Variants in DYNC1I1 observed in about 807,000 individuals in gnomAD.
DYNC1I1 encodes the protein dynein cytoplasmic 1 intermediate chain 1.
Under a neutral mutation model 86.6 loss-of-function variants are expected in DYNC1I1, and 43 were observed. The observed-to-expected ratio is 0.50, with a 90% CI of 0.39 to 0.64. The LOEUF (loss-of-function observed/expected upper bound fraction) is 0.64. Among genes scored for constraint, DYNC1I1 ranks in the 30% least tolerant of loss-of-function variants. The probability of loss-of-function intolerance (pLI) is 0.00; values close to 1 mark genes in which losing one functional copy is unlikely to be tolerated. For missense variants in DYNC1I1, 604 were observed against 788.8 expected, an observed-to-expected ratio of 0.77 and a Z score of 2.81; for synonymous variants, 262 against 283.7, an observed-to-expected ratio of 0.92 and a Z score of 0.77.
rs960306386 is a variant in DYNC1I1, at chr7:96,014,307, T to C, written c.970-13868T>C. Among the ~76,000 whole-genome samples the C allele has an allele frequency of 3.3e-5, 5 of 152,172 alleles. No homozygotes were observed. The East Asian group carries it at 9.6e-4, about 29-fold the overall frequency. On this transcript the variant is annotated intron_variant, in intron 10 of 16. Transcript: ENST00000447467. ...GACACAGCTATAGAAAGAGAGTCTT[T>C]CCAGAACGTGAGTCTCCTGACTCCC...
chr7:95,938,194 A>G (rs1425223389), intron 6 of DYNC1I1, among the ~76,000 whole-genome samples: 1 of 152,224 alleles, frequency 6.6e-6, no homozygotes, highest in Admixed American at 6.5e-5. Context: ...ATTTTTATCT[A>G]GATGAGTGTA....
At chr7:95,979,777 G>A (rs924358190) in intron 7 of DYNC1I1, among the ~76,000 whole-genome samples, 4 of 152,040 alleles carry the variant, frequency 2.6e-5, no homozygotes, top group Admixed American at 2.6e-4. Flanking sequence ...TTTAACAGTG[G>A]CATCCACAGA....
At chr7:96,096,203 G>C (rs1202672840) in intron 16 of DYNC1I1, among the ~76,000 whole-genome samples, 1 of 152,176 alleles carries the variant, frequency 6.6e-6, no homozygotes, top group Non-Finnish European at 1.5e-5. Flanking sequence ...GATAGTATTT[G>C]AGAATATTAT....
intron 6 of DYNC1I1, among the ~76,000 whole-genome samples, chr7:95,913,003 G>A (rs1167574653): frequency 6.6e-6 from 1 of 152,188 alleles, no homozygotes; most frequent in African/African-American, 2.4e-5. Context: ...AAGCAAGCTA[G>A]TTAAATCCCT....
chr7:96,082,112 G>A (rs1294333063), intron 16 of DYNC1I1, among the ~76,000 whole-genome samples: 2 of 151,964 alleles, frequency 1.3e-5, no homozygotes, highest in Non-Finnish European at 2.9e-5. Flanking sequence ...CCTCTGAGTC[G>A]GAAATACCGC....
intron 13 of DYNC1I1, among the ~76,000 whole-genome samples, chr7:96,037,377 G>A (rs887237372): frequency 5.9e-5 from 9 of 152,196 alleles, no homozygotes; most frequent in South Asian, 2.1e-4. Flanking sequence ...GCCTGCAGAC[G>A]TCATGTAAAC....
intron 1 of DYNC1I1, among the ~76,000 whole-genome samples, chr7:95,793,155 A>T (rs916507849): frequency 6.6e-6 from 1 of 152,130 alleles, no homozygotes; most frequent in Non-Finnish European, 1.5e-5. Flanking sequence ...GAGTTAGGAG[A>T]GTATTGCAAT....
At chr7:95,972,667 C>G (rs1220111310) in intron 6 of DYNC1I1, among the ~76,000 whole-genome samples, 1 of 152,284 alleles carries the variant, frequency 6.6e-6, no homozygotes, top group East Asian at 1.9e-4. Context: ...GCTATCAAAA[C>G]AAGTCAGCGA....
intron 6 of DYNC1I1, among the ~76,000 whole-genome samples, chr7:95,956,396 T>A (rs1210975452): frequency 2.1e-5 from 3 of 146,156 alleles, no homozygotes; most frequent in Admixed American, 6.7e-5. Flanking sequence ...TTTTTTTTTT[T>A]ATTATACTTT....
chr7:95,880,459 A>T (rs1790423356), intron 6 of DYNC1I1, among the ~76,000 whole-genome samples: 1 of 152,066 alleles, frequency 6.6e-6, no homozygotes, highest in African/African-American at 2.4e-5. Context: ...GGGAGCCAGC[A>T]TACCTGTAGG....
At chr7:95,961,762 T>A (rs1483363083) in intron 6 of DYNC1I1, among the ~76,000 whole-genome samples, 1 of 152,240 alleles carries the variant, frequency 6.6e-6, no homozygotes, top group African/African-American at 2.4e-5. Context: ...GGGCTAAAGC[T>A]GTAGCCTGTT....
chr7:95,883,489 C>T (rs1004019026), intron 6 of DYNC1I1, among the ~76,000 whole-genome samples: 3 of 152,172 alleles, frequency 2.0e-5, no homozygotes, highest in African/African-American at 2.4e-5. Flanking sequence ...ATGTTTGAAA[C>T]TCCTTCATAG....
At chr7:95,829,011 C>T (rs1795263446) in intron 5 of DYNC1I1, among the ~76,000 whole-genome samples, 1 of 152,160 alleles carries the variant, frequency 6.6e-6, no homozygotes, top group Non-Finnish European at 1.5e-5. Context: ...ATTTATTAAG[C>T]ATTTACCGAC....
intron 5 of DYNC1I1, among the ~76,000 whole-genome samples, chr7:95,850,867 C>T (rs114566320): frequency 0.039 from 6,004 of 152,180 alleles, 408 homozygotes; most frequent in African/African-American, 0.14. Context: ...AGCAAATTGC[C>T]AGCATCACTA....
Position 95,991,477 on chromosome 7 carries a change from G to GGGCA in DYNC1I1, c.843+4324_843+4327dup, listed in dbSNP as rs1793728013. On this transcript the variant is annotated intron_variant, in intron 9 of 16. Transcript: ENST00000447467. ...TAAAACTTAGAAATATTAGGAATCT[G>GGGCA]GGCAGCCCGAGGGACCTCACCAACA... Among the ~76,000 whole-genome samples the GGGCA allele has an allele frequency of 2.0e-5, 3 of 152,148 alleles. No individual in the cohort carries two copies. The South Asian group carries it at 6.2e-4, about 32-fold the overall frequency.
At chr7:95,780,272 CTTTTT>C (rs904745977) in intron 1 of DYNC1I1, among the ~76,000 whole-genome samples, 1 of 146,438 alleles carries the variant, frequency 6.8e-6, no homozygotes, top group Non-Finnish European at 1.5e-5. Context: ...ACTTCCCCCA[CTTTTT>C]TTTTTTCCTT....
chr7:95,837,831 G>A (rs899986636), intron 5 of DYNC1I1, among the ~76,000 whole-genome samples: 10 of 151,952 alleles, frequency 6.6e-5, no homozygotes, highest in Non-Finnish European at 1.3e-4. Context: ...TTCGGCTCGC[G>A]CATGGTGCGC....
At chr7:95,903,803 C>G (rs1256482784) in intron 6 of DYNC1I1, among the ~76,000 whole-genome samples, 7 of 152,078 alleles carry the variant, frequency 4.6e-5, no homozygotes, top group Non-Finnish European at 8.8e-5. Context: ...GAGGGTACAA[C>G]CAATAATTAG....
chr7:95,978,012 G>A (rs546319972), intron 7 of DYNC1I1, among the ~76,000 whole-genome samples: 12 of 152,226 alleles, frequency 7.9e-5, no homozygotes, highest in African/African-American at 2.2e-4. Context: ...AGTGATCAAC[G>A]CTAGTAACTC....
Sources: allele counts gnomAD v4.1 joint callset (sites outside exome capture counted in the v4.1 genomes callset), GRCh38; gene constraint gnomAD v4.1.1; transcripts MANE v1.5; gene names NCBI Gene and HGNC (gene_info 2026-07-23, HGNC 2026-07-21).